Variants in OSER1 observed in about 807,000 individuals in gnomAD.
OSER1 encodes the protein oxidative stress responsive serine rich 1, also known as oxidative stress-responsive serine-rich protein 1.
A neutral mutation model predicts 26.3 loss-of-function variants in OSER1; 15 were observed. The ratio of observed to expected loss-of-function variants is 0.57; its 90% confidence interval spans 0.38 to 0.88. OSER1 has a LOEUF of 0.88. OSER1 is among the 40% of genes least tolerant of loss of function. OSER1 has a pLI of 0.00. For missense variants in OSER1, 313 were observed against 353.9 expected (o/e 0.88, Z 0.93); for synonymous variants, 127 against 128.2 (o/e 0.99, Z 0.07).
intron 2 of OSER1, 100 bp downstream of exon 2, chr20:44,206,781 T>C: frequency 1.6e-6 from 1 of 618,958 alleles, no homozygotes; most frequent in South Asian, 2.0e-5. Flanking sequence ...CTTCTTTCAA[T>C]AATGAGAAAT....
At chr20:44,209,353 A>G (rs1272885932) in intron 1 of OSER1, among the ~76,000 whole-genome samples, 1 of 152,220 alleles carries the variant, frequency 6.6e-6, no homozygotes, top group Non-Finnish European at 1.5e-5. Flanking sequence ...CCAAGAGCAA[A>G]TGAGCGTTAG....
intron 3 of OSER1, among the ~76,000 whole-genome samples, chr20:44,202,065 A>C (rs933310188): frequency 6.6e-6 from 1 of 152,218 alleles, no homozygotes; most frequent in Non-Finnish European, 1.5e-5. Context: ...GCTAAAATAC[A>C]AGAACACAGA....
chr20:44,202,577 A>G (rs2072994275), intron 3 of OSER1, among the ~76,000 whole-genome samples: 2 of 152,208 alleles, frequency 1.3e-5, no homozygotes, highest in Admixed American at 1.3e-4. Context: ...AAAAACATAG[A>G]ATTTAAAGGG....
At chr20:44,199,859 A>G (rs182127539) in intron 3 of OSER1, among the ~76,000 whole-genome samples, 1 of 152,368 alleles carries the variant, frequency 6.6e-6, no homozygotes, top group East Asian at 1.9e-4. Flanking sequence ...TTCTTGGAAC[A>G]TATCCCCTAT....
At chr20:44,211,037 G>C (rs58391624), upstream of OSER1, 87 of 152,524 alleles carry the variant, frequency 5.7e-4, 1 homozygote, top group African/African-American at 1.9e-3. Flanking sequence ...ATTTGCTCCC[G>C]ACCCGCTTTT....
intron 1 of OSER1, among the ~76,000 whole-genome samples, chr20:44,207,785 T>C (rs1012597079): frequency 6.6e-6 from 1 of 152,192 alleles, no homozygotes; most frequent in Non-Finnish European, 1.5e-5. Context: ...CACCACTAAA[T>C]GATCTCTTAA....
intron 1 of OSER1, among the ~76,000 whole-genome samples, chr20:44,208,834 C>A (rs2073066501): frequency 6.6e-6 from 1 of 152,176 alleles, no homozygotes; most frequent in African/African-American, 2.4e-5. Context: ...GCCAATCTCC[C>A]CAACCCGCAG....
In OSER1 at chr20:44,197,598, C is replaced by A. The variant is rs756709729; in HGVS notation, c.333G>T (p.Gln111His). ...SSSSQLKHKS[Q>H]TDSPDGSSGL... ...CACTGCTGCCATCAGGTGAGTCAGTCTGGCTTTTGTGCTTGAGTTGACTGC... is the reference window on the plus strand; with the variant it reads ...CACTGCTGCCATCAGGTGAGTCAGTATGGCTTTTGTGCTTGAGTTGACTGC... Residue 111 changes from glutamine (Q) to histidine (H), a missense_variant, in exon 4 of 4, where the codon CAG (glutamine) becomes CAT (histidine). Coordinates refer to ENST00000255174, the MANE Select transcript of OSER1 (RefSeq NM_016470.8). The A allele has an allele frequency of 3.7e-6, 6 of 1,614,178 alleles. No individual in the cohort carries two copies. Among genetic ancestry groups the A allele is most frequent in the Non-Finnish European group, 5.1e-6 (6 of 1,180,034 alleles).
chr20:44,205,355 T>A (rs921250684), intron 2 of OSER1, among the ~76,000 whole-genome samples: 1 of 152,222 alleles, frequency 6.6e-6, no homozygotes, highest in African/African-American at 2.4e-5. Flanking sequence ...TTTGCTTCTG[T>A]TTCCCAAGAC....
chr20:44,196,294 CAAAAAA>C lies in OSER1; in HGVS notation c.*752_*757del, dbSNP rs56251501. 1.7e-4 allele frequency among the ~76,000 whole-genome samples: 17 copies of C among 100,450 alleles called. No individual in the cohort carries two copies. Among genetic ancestry groups the C allele is most frequent in the African/African-American group, 7.0e-4 (17 of 24,186 alleles). The allele number at this position is 100,450 out of a possible 152,430, so 65.9% of individuals were successfully genotyped here. A position where few individuals can be genotyped will look rare whatever the true frequency, so the allele number is the denominator to read the frequency against. On this transcript the variant is annotated 3_prime_UTR_variant, in exon 4 of 4. Coordinates refer to ENST00000255174, the MANE Select transcript of OSER1 (RefSeq NM_016470.8). ...ATGAGACCTGTATTACAACTGATAA[CAAAAAA>C]AAAAAAAAAAAACCGCCATATATTT...
At chr20:44,199,204 G>T (rs1197499021) in intron 3 of OSER1, among the ~76,000 whole-genome samples, 2 of 152,174 alleles carry the variant, frequency 1.3e-5, no homozygotes, top group African/African-American at 2.4e-5. Context: ...ATGCATCAGT[G>T]CTGAGACCTT....
In OSER1 at chr20:44,197,346, C is replaced by A. The variant is rs2072929694; in HGVS notation, c.585G>T (p.Lys195Asn). 6.2e-7 allele frequency: 1 copy of A among 1,614,156 alleles called. No individual in the cohort carries two copies. Among genetic ancestry groups the A allele is most frequent in the Admixed American group, 1.7e-5 (1 of 60,010 alleles). ...ATTCCTTGCCTATGCATGTGCATGG[C>A]TTGCCCTGGTTTAGCTTGGAAACTG... Reference protein sequence around the residue: ...FQSVSKLNQGKPCTCIGKECQ... With the variant: ...FQSVSKLNQGNPCTCIGKECQ... Residue 195 changes from lysine to asparagine, a missense_variant, in exon 4 of 4, where the codon AAG (lysine) becomes AAT (asparagine). Around this residue, in one of 2 missense-constraint regions of OSER1, gnomAD observed 300 missense variants for 318.3 expected, o/e 0.94. Coordinates refer to ENST00000255174, the MANE Select transcript of OSER1 (RefSeq NM_016470.8).
chr20:44,199,997 G>C (rs941402342), intron 3 of OSER1, among the ~76,000 whole-genome samples: 4 of 152,190 alleles, frequency 2.6e-5, no homozygotes, highest in African/African-American at 9.6e-5. Flanking sequence ...GCCTGTTTTT[G>C]TACAGCTTGT....
In OSER1 at chr20:44,196,897, G is replaced by A. The variant is rs1185334230; in HGVS notation, c.*155C>T. 11 of 596,626 alleles carry A rather than the reference G, an allele frequency of 1.8e-5. No individual in the cohort carries two copies. In the East Asian group the frequency reaches 3.0e-4, roughly 16 times the overall value. The allele number at this position is 596,626 out of a possible 1,614,324, so 37.0% of individuals were successfully genotyped here. A position where few individuals can be genotyped will look rare whatever the true frequency, so the allele number is the denominator to read the frequency against. ...ACTCAAGAGAGTAAGTTGAAAGAAT[G>A]AAGATTAACTGAGATGCCAAGAAAA... On this transcript the variant is annotated 3_prime_UTR_variant, in exon 4 of 4. Coordinates refer to ENST00000255174, the MANE Select transcript of OSER1 (RefSeq NM_016470.8).
chr20:44,201,592 T>TAAA (rs1351981232), intron 3 of OSER1, among the ~76,000 whole-genome samples: 1 of 152,196 alleles, frequency 6.6e-6, no homozygotes, highest in Non-Finnish European at 1.5e-5. Flanking sequence ...ACTGTCTGCT[T>TAAA]AAATAATAAT....
intron 1 of OSER1, among the ~76,000 whole-genome samples, chr20:44,210,257 G>A (rs1464446272): frequency 1.3e-5 from 2 of 152,182 alleles, no homozygotes; most frequent in East Asian, 3.9e-4. Flanking sequence ...GAGATTCCTG[G>A]GGTCAGAACG....
chr20:44,200,970 A>G (rs2072976057), intron 3 of OSER1, among the ~76,000 whole-genome samples: 1 of 152,246 alleles, frequency 6.6e-6, no homozygotes, highest in South Asian at 2.1e-4. Context: ...TGTCAACTAT[A>G]TCAACTCTAT....
chr20:44,201,238 T>G (rs1277085246), intron 3 of OSER1, among the ~76,000 whole-genome samples: 2 of 152,216 alleles, frequency 1.3e-5, no homozygotes, highest in East Asian at 3.8e-4. Flanking sequence ...TACAGGAGAA[T>G]GAGCATAGGT....
intron 1 of OSER1, 190 bp from the exon 2 acceptor site, chr20:44,207,188 A>G (rs1018533653): frequency 4.9e-6 from 2 of 411,568 alleles, no homozygotes; most frequent in East Asian, 4.0e-5. Context: ...GATATGTACT[A>G]TGACAGAATA....
Sources: allele counts gnomAD v4.1 joint callset (sites outside exome capture counted in the v4.1 genomes callset), GRCh38; gene constraint gnomAD v4.1.1; regional missense constraint gnomAD v4.1.1; transcripts MANE v1.5; gene names NCBI Gene and HGNC (gene_info 2026-07-23, HGNC 2026-07-21).